KCNQ5: variants seen among roughly 807,000 people sequenced by gnomAD.
KCNQ5 encodes the protein potassium voltage-gated channel subfamily Q member 5.
Under a neutral mutation model 98.2 loss-of-function variants are expected in KCNQ5, and 30 were observed. The ratio of observed to expected loss-of-function variants is 0.31; its 90% CI spans 0.23 to 0.41. The LOEUF (loss-of-function observed/expected upper bound fraction) is 0.41, where lower values mean the gene tolerates loss of function less well. Among genes scored for constraint, KCNQ5 ranks in the 10% least tolerant of loss-of-function variants. The pLI is 1.00. For synonymous variants in KCNQ5, 458 were observed against 449.4 expected, an observed-to-expected ratio of 1.02 and a Z score of -0.24; for missense variants, 835 against 1,182.5, an observed-to-expected ratio of 0.71 and a Z score of 4.31.
chr6:72,986,738 G>T, intron 1 of KCNQ5: 1 of 1,463,900 alleles, frequency 6.8e-7, no homozygotes, highest in Admixed American at 1.7e-5. Flanking sequence ...CCATGCCTCT[G>T]GGGTGAAAAC....
At chr6:73,183,474 T>A (rs3778268) in intron 11 of KCNQ5, among the ~76,000 whole-genome samples, 15 of 152,084 alleles carry the variant, frequency 9.9e-5, no homozygotes, top group Admixed American at 9.8e-4. Context: ...CTATGTCTTG[T>A]TCACCTTTGT....
intron 1 of KCNQ5, among the ~76,000 whole-genome samples, chr6:72,665,403 GTAA>G (rs1766760015): frequency 6.6e-6 from 1 of 151,276 alleles, no homozygotes; most frequent in African/African-American, 2.4e-5. Context: ...ACCCATTTGT[GTAA>G]TATGGCGTTT....
intron 1 of KCNQ5, among the ~76,000 whole-genome samples, chr6:72,946,068 A>G (rs1397112066): frequency 6.6e-6 from 1 of 152,130 alleles, no homozygotes; most frequent in Non-Finnish European, 1.5e-5. Context: ...CTTCTCACGA[A>G]CCACAGTATT....
At chr6:72,771,935 T>C (rs936565345) in intron 1 of KCNQ5, among the ~76,000 whole-genome samples, 6 of 152,098 alleles carry the variant, frequency 3.9e-5, no homozygotes, top group African/African-American at 1.2e-4. Flanking sequence ...TAGACTATTA[T>C]ATGCAAAAAG....
At chr6:72,959,874 G>C (rs565618924) in intron 1 of KCNQ5, among the ~76,000 whole-genome samples, 151 of 152,284 alleles carry the variant, frequency 9.9e-4, no homozygotes, top group African/African-American at 3.6e-3. Context: ...AAAGTGTCTT[G>C]AGTGTGTTTA....
intron 1 of KCNQ5, among the ~76,000 whole-genome samples, chr6:72,890,044 C>T (rs1444736439): frequency 6.6e-6 from 1 of 151,776 alleles, no homozygotes; most frequent in Non-Finnish European, 1.5e-5. Context: ...AGCGAGCAGT[C>T]ACAGTGCCCT....
intron 1 of KCNQ5, among the ~76,000 whole-genome samples, chr6:72,688,431 A>T (rs1768059118): frequency 6.6e-6 from 1 of 152,040 alleles, no homozygotes; most frequent in African/African-American, 2.4e-5. Context: ...GCTTTGGGAA[A>T]CCAGATGAAG....
intron 1 of KCNQ5, among the ~76,000 whole-genome samples, chr6:72,670,002 TC>T (rs1445140831): frequency 1.3e-5 from 2 of 152,006 alleles, no homozygotes; most frequent in Non-Finnish European, 2.9e-5. Flanking sequence ...CTTCTTCCAT[TC>T]ATCTCTTTCC....
intron 1 of KCNQ5, among the ~76,000 whole-genome samples, chr6:72,890,827 C>T (rs1455930055): frequency 1.6e-4 from 24 of 152,172 alleles, no homozygotes; most frequent in Admixed American, 1.6e-3. Flanking sequence ...TCAAGATTGA[C>T]ACCAAACATC....
chr6:73,188,977 T>A (rs576545050), intron 11 of KCNQ5, among the ~76,000 whole-genome samples: 58 of 116,748 alleles, frequency 5.0e-4, no homozygotes, highest in African/African-American at 2.1e-3. Flanking sequence ...GGCGAGACTC[T>A]GTCTCAAAAA....
chr6:72,931,785 CT>C (rs962037696), intron 1 of KCNQ5, among the ~76,000 whole-genome samples: 10 of 152,190 alleles, frequency 6.6e-5, no homozygotes, highest in Admixed American at 4.6e-4. Context: ...TTGCCTCACA[CT>C]TTGCCTCACA....
In KCNQ5 at chr6:72,957,170, CT is replaced by C. The variant is rs11374806; in HGVS notation, c.399-46720del. On this transcript the variant is annotated intron_variant, in intron 1 of 13. Transcript: ENST00000370398. ...CCCCTGGCTGTACATATGTAGGAAG[CT>C]TTTTTTTTTTTTTTTTTGAGATAGG... Among the ~76,000 whole-genome samples, 654 of 125,276 alleles carry C rather than the reference CT, an allele frequency of 5.2e-3. 1 individual carries two copies. Among genetic ancestry groups the C allele is most frequent in the African/African-American group, 0.016 (526 of 33,464 alleles). The allele number at this position is 125,276 out of a possible 152,430, so 82.2% of individuals were successfully genotyped here.
chr6:73,054,576 G>A (rs528912279), intron 3 of KCNQ5, among the ~76,000 whole-genome samples: 60 of 152,166 alleles, frequency 3.9e-4, no homozygotes, highest in African/African-American at 1.4e-3. Context: ...CACATAAACA[G>A]AATTAAAAAC....
At chr6:73,029,532 A>G (rs770124389) in intron 2 of KCNQ5, among the ~76,000 whole-genome samples, 9 of 150,794 alleles carry the variant, frequency 6.0e-5, no homozygotes, top group Non-Finnish European at 8.8e-5. Context: ...AAACATATTG[A>G]TTCTTAATCT....
At chr6:72,736,252 T>A (rs1402058113) in intron 1 of KCNQ5, among the ~76,000 whole-genome samples, 1 of 151,872 alleles carries the variant, frequency 6.6e-6, no homozygotes, top group Non-Finnish European at 1.5e-5. Context: ...ACAAGAAAAA[T>A]GGTTCTGTAC....
At chr6:73,046,763 C>T (rs1156330441) in intron 3 of KCNQ5, among the ~76,000 whole-genome samples, 3 of 151,988 alleles carry the variant, frequency 2.0e-5, no homozygotes, top group African/African-American at 7.3e-5. Context: ...ATGCCTCAGC[C>T]TCCCGAGTAG....
At chr6:72,674,227 T>C (rs1226867713) in intron 1 of KCNQ5, among the ~76,000 whole-genome samples, 1 of 152,092 alleles carries the variant, frequency 6.6e-6, no homozygotes, top group Non-Finnish European at 1.5e-5. Context: ...TTTTTTTTTT[T>C]GGAGAAATTA....
chr6:72,753,428 G>C (rs1488520408), intron 1 of KCNQ5, among the ~76,000 whole-genome samples: 1 of 152,080 alleles, frequency 6.6e-6, no homozygotes, highest in African/African-American at 2.4e-5. Context: ...AGGTCTTTGT[G>C]TAGGGACTTT....
intron 1 of KCNQ5, among the ~76,000 whole-genome samples, chr6:72,964,357 A>C (rs1767508480): frequency 6.6e-6 from 1 of 152,238 alleles, no homozygotes; most frequent in Admixed American, 6.5e-5. Flanking sequence ...AGTAGGAACA[A>C]GCCTCATTAC....
Sources: allele counts gnomAD v4.1 joint callset (sites outside exome capture counted in the v4.1 genomes callset), GRCh38; gene constraint gnomAD v4.1.1; transcripts MANE v1.5; gene names NCBI Gene and HGNC (gene_info 2026-07-23, HGNC 2026-07-21).